CSNK1G3: variants seen among roughly 807,000 people sequenced by gnomAD.
The protein encoded by CSNK1G3 is casein kinase I isoform gamma-3.
A neutral mutation model predicts 64.3 loss-of-function variants in CSNK1G3; 23 were observed. The ratio of observed to expected loss-of-function variants is 0.36; its 90% confidence interval spans 0.26 to 0.51. The LOEUF (loss-of-function observed/expected upper bound fraction) is 0.51. CSNK1G3 is among the 20% of genes least tolerant of loss of function. CSNK1G3 has a pLI of 0.96. For missense variants in CSNK1G3, 357 were observed against 510.5 expected (o/e 0.70, Z 2.90); for synonymous variants, 158 against 162.2 (o/e 0.97, Z 0.20).
chr5:123,557,603 G>A (rs761932706), intron 4 of CSNK1G3, 39 bp downstream of exon 4: 1 of 1,295,506 alleles, frequency 7.7e-7, no homozygotes, highest in Non-Finnish European at 1.1e-6. Flanking sequence ...GAAATAAAGT[G>A]GATTGTCATG....
intron 1 of CSNK1G3, among the ~76,000 whole-genome samples, chr5:123,539,126 G>T (rs1255870468): frequency 6.6e-6 from 1 of 152,080 alleles, no homozygotes; most frequent in East Asian, 1.9e-4. Context: ...GAGCCACCAC[G>T]CCTGGTTGTG....
chr5:123,592,625 T>G (rs989821438), intron 10 of CSNK1G3, among the ~76,000 whole-genome samples: 7 of 151,888 alleles, frequency 4.6e-5, no homozygotes, highest in Admixed American at 2.0e-4. Context: ...CCCATCAAAG[T>G]TTAAGTGAAG....
intron 5 of CSNK1G3, among the ~76,000 whole-genome samples, chr5:123,574,848 AAACC>A (rs1788861297): frequency 6.6e-6 from 1 of 152,242 alleles, no homozygotes; most frequent in East Asian, 1.9e-4. Context: ...AAACATCAAA[AAACC>A]AACCAACTGC....
intron 1 of CSNK1G3, among the ~76,000 whole-genome samples, chr5:123,528,487 T>A (rs1241157759): frequency 6.6e-6 from 1 of 152,210 alleles, no homozygotes; most frequent in Non-Finnish European, 1.5e-5. Context: ...AATGACTTTT[T>A]TTCCTTGAGG....
chr5:123,585,301 C>CA (rs975239121), intron 6 of CSNK1G3, among the ~76,000 whole-genome samples: 1,895 of 139,368 alleles, frequency 0.014, 42 homozygotes, highest in African/African-American at 0.045. Flanking sequence ...ACACCAAAAG[C>CA]AAAAAAAAAA....
At chr5:123,585,932 C>G (rs1431522525) in intron 6 of CSNK1G3, among the ~76,000 whole-genome samples, 2 of 152,048 alleles carry the variant, frequency 1.3e-5, no homozygotes, top group East Asian at 3.9e-4. Flanking sequence ...GTAGCAATCC[C>G]CCTTCTAGAT....
chr5:123,540,776 G>A (rs954086801), intron 1 of CSNK1G3, among the ~76,000 whole-genome samples: 1 of 152,042 alleles, frequency 6.6e-6, no homozygotes, highest in Admixed American at 6.6e-5. Context: ...GGGACTACAG[G>A]CATGTGCCAC....
At chr5:123,568,278 G>A (rs1057060916) in intron 4 of CSNK1G3, among the ~76,000 whole-genome samples, 3 of 152,068 alleles carry the variant, frequency 2.0e-5, no homozygotes, top group African/African-American at 4.8e-5. Flanking sequence ...ACCAGCAGCC[G>A]AACACCAGAC....
intron 10 of CSNK1G3, among the ~76,000 whole-genome samples, chr5:123,604,056 T>C (rs1794930467): frequency 6.6e-6 from 1 of 152,128 alleles, no homozygotes. Context: ...TTTTTGCTCT[T>C]AATCACATAA....
At chr5:123,584,707 A>G (rs1251774047) in intron 6 of CSNK1G3, among the ~76,000 whole-genome samples, 1 of 152,150 alleles carries the variant, frequency 6.6e-6, no homozygotes, top group African/African-American at 2.4e-5. Flanking sequence ...TAGCGATGCT[A>G]TCTGGATTGT....
At chr5:123,584,303 AGTT>A (rs149405619) in intron 6 of CSNK1G3, among the ~76,000 whole-genome samples, 3,021 of 152,238 alleles carry the variant, frequency 0.02, 104 homozygotes, top group African/African-American at 0.069. Flanking sequence ...CATTTTTCGT[AGTT>A]GTTGTCAGGA....
At chr5:123,536,611 T>G (rs1030091235) in intron 1 of CSNK1G3, among the ~76,000 whole-genome samples, 1 of 152,042 alleles carries the variant, frequency 6.6e-6, no homozygotes, top group Admixed American at 6.6e-5. Flanking sequence ...CCTATGCTAA[T>G]TACTCTGATG....
intron 1 of CSNK1G3, among the ~76,000 whole-genome samples, chr5:123,519,036 A>G (rs148997409): frequency 0.012 from 1,786 of 147,740 alleles, 41 homozygotes; most frequent in African/African-American, 0.042. Context: ...CTGGGATTAT[A>G]GGCTTGAGTC....
At chr5:123,604,600 TAA>T in intron 10 of CSNK1G3, 122 bp from the exon 12 acceptor site, 1 of 518,340 alleles carries the variant, frequency 1.9e-6, no homozygotes, top group South Asian at 3.4e-5. Flanking sequence ...TTCCTCACAT[TAA>T]CTTTCTAATT....
At chr5:123,609,183 T>G (rs1484264089) in intron 12 of CSNK1G3, among the ~76,000 whole-genome samples, 1 of 152,106 alleles carries the variant, frequency 6.6e-6, no homozygotes, top group Non-Finnish European at 1.5e-5. Context: ...GTAACCAAAT[T>G]TGGACATTAT....
intron 5 of CSNK1G3, among the ~76,000 whole-genome samples, chr5:123,573,904 C>T (rs1174224544): frequency 2.0e-5 from 3 of 146,864 alleles, no homozygotes; most frequent in Non-Finnish European, 4.4e-5. Flanking sequence ...GGGCGGAGAG[C>T]GGTGGCGAGA....
chr5:123,550,056 A>G (rs1783340793), intron 2 of CSNK1G3, among the ~76,000 whole-genome samples: 1 of 151,982 alleles, frequency 6.6e-6, no homozygotes, highest in South Asian at 2.1e-4. Context: ...GTAGATTTGG[A>G]TGGGTTCATC....
intron 3 of CSNK1G3, among the ~76,000 whole-genome samples, chr5:123,553,844 C>T (rs1396398166): frequency 6.6e-6 from 1 of 152,188 alleles, no homozygotes; most frequent in Non-Finnish European, 1.5e-5. Context: ...AGTGGTGATC[C>T]TTAGGTCCTA....
At chr5:123,553,297 C>T in intron 3 of CSNK1G3, 150 bp downstream of exon 3, 1 of 415,344 alleles carries the variant, frequency 2.4e-6, no homozygotes, top group Non-Finnish European at 4.3e-6. Context: ...TTGCTAAGCT[C>T]CTAACATCAT....
Sources: gnomAD v4.1 joint callset for allele counts (sites outside exome capture counted in the v4.1 genomes callset) on GRCh38, gnomAD v4.1.1 for gene constraint, MANE v1.5 for transcripts, NCBI Gene and HGNC (gene_info 2026-07-23, HGNC 2026-07-21) for gene names.